PCDHGA1: variants seen among roughly 807,000 people sequenced by gnomAD.
PCDHGA1 encodes the protein protocadherin gamma subfamily A, 1, also known as protocadherin gamma-A1.
Under a neutral mutation model 58.0 loss-of-function variants are expected in PCDHGA1, and 32 were observed. The ratio of observed to expected loss-of-function variants is 0.55; its 90% CI spans 0.42 to 0.74. PCDHGA1 has a LOEUF of 0.74. Among genes scored for constraint, PCDHGA1 ranks in the 30% least tolerant of loss-of-function variants. The probability of loss-of-function intolerance (pLI) is 0.00; values close to 1 mark genes in which losing one functional copy is unlikely to be tolerated. For synonymous variants in PCDHGA1, 498 were observed against 501.1 expected (o/e 0.99, Z 0.08); for missense variants, 1,205 against 1,182.3 (o/e 1.02, Z -0.28).
chr5:141,491,884 G>C lies in PCDHGA1; in HGVS notation c.2422-2923G>C, dbSNP rs745931108. 5.0e-5 allele frequency: 73 copies of C among 1,446,372 alleles called. No homozygotes were observed. The highest frequency in any genetic ancestry group is 6.3e-5 in the Non-Finnish European group (69 of 1,094,334). The allele number at this position is 1,446,372 out of a possible 1,614,324, so 89.6% of individuals were successfully genotyped here. A position where few individuals can be genotyped will look rare whatever the true frequency, so the allele number is the denominator to read the frequency against. On this transcript the variant is annotated intron_variant, in intron 1 of 3. Coordinates refer to ENST00000517417, the MANE Select transcript of PCDHGA1 (RefSeq NM_018912.3). The surrounding 1 kb of genome is among the most constrained non-coding windows in gnomAD (Gnocchi z 6.9). The stretch of plus-strand genomic sequence containing the variant: ...AACCAGAGTGGCCGATTAAGGGATG[G>C]GGCTCCGAGCACCGGGGGTGGTGGC...
chr5:141,387,779 G>T, intron 1 of PCDHGA1: 1 of 1,458,032 alleles, frequency 6.9e-7, no homozygotes, highest in Admixed American at 2.6e-5. Flanking sequence ...TTCTTGAACT[G>T]GAACTGCAAC....
At chr5:141,379,876 T>C (rs1775908667) in intron 1 of PCDHGA1, among the ~76,000 whole-genome samples, 1 of 146,348 alleles carries the variant, frequency 6.8e-6, no homozygotes, top group African/African-American at 2.5e-5. Flanking sequence ...TATTTTATGG[T>C]CTGTGAAAGC....
chr5:141,370,840 G>T (rs762166631), intron 1 of PCDHGA1: 1 of 1,614,022 alleles, frequency 6.2e-7, no homozygotes, highest in South Asian at 1.1e-5. Flanking sequence ...GCTCTCACTG[G>T]AGCCACATTT....
chr5:141,330,878 G>C lies in PCDHGA1; in HGVS notation c.194G>C (p.Arg65Pro). The change falls in exon 1 of 4, where the codon CGC (arginine) becomes CCC (proline). Residue 65 changes from arginine to proline, a missense_variant. Transcript: ENST00000517417. ...QPQELADGGV[R>P]IVSRGRMPLF... The stretch of plus-strand genomic sequence containing the variant: ...CAGGAGCTGGCAGATGGCGGAGTCC[G>C]CATCGTCTCCAGAGGTAGGATGCCG... 3.1e-6 allele frequency: 5 copies of C among 1,614,186 alleles called. No homozygotes were observed. The highest frequency in any genetic ancestry group is 4.2e-6 in the Non-Finnish European group (5 of 1,180,036).
intron 1 of PCDHGA1, chr5:141,339,505 C>T: frequency 2.5e-6 from 4 of 1,614,198 alleles, no homozygotes; most frequent in Non-Finnish European, 3.4e-6. Context: ...ATGACCACTT[C>T]TCCCTGGACG....
chr5:141,371,646 T>C, intron 1 of PCDHGA1: 3 of 1,614,026 alleles, frequency 1.9e-6, no homozygotes, highest in Non-Finnish European at 2.5e-6. Flanking sequence ...GATCCCAGAA[T>C]ACAATGTGAC....
rs760878091 is a variant in PCDHGA1 at position 141,476,406 on chromosome 5, T to A, written c.2422-18401T>A. The A allele has an allele frequency of 6.2e-7, 1 of 1,614,054 alleles. No individual in the cohort carries two copies. The highest frequency in any genetic ancestry group is 8.5e-7 in the Non-Finnish European group (1 of 1,180,002). On this transcript the variant is annotated intron_variant, in intron 1 of 3. Transcript: ENST00000517417. The surrounding 1 kb of genome is among the most constrained non-coding windows in gnomAD (Gnocchi z 7.6). Reference sequence around the variant, plus strand: ...AACGACCGTCTGGATCGAGAGGAGCTGTGTGGGACACTGCCCTCTTGCACT... The same window carrying A: ...AACGACCGTCTGGATCGAGAGGAGCAGTGTGGGACACTGCCCTCTTGCACT...
At chr5:141,456,695 T>C (rs1264543968) in intron 1 of PCDHGA1, among the ~76,000 whole-genome samples, 2 of 152,136 alleles carry the variant, frequency 1.3e-5, no homozygotes, top group Non-Finnish European at 2.9e-5. Flanking sequence ...CCAGGCGTGG[T>C]GGCTCGCGCC....
At chr5:141,341,648 T>G in intron 1 of PCDHGA1, 1 of 707,650 alleles carries the variant, frequency 1.4e-6, no homozygotes, top group Non-Finnish European at 2.3e-6. Flanking sequence ...AGCACTGCAT[T>G]AGGAACTAGG....
In PCDHGA1 at chr5:141,486,336, G is replaced by A. The variant is rs534793835; in HGVS notation, c.2422-8471G>A. 3.8e-5 allele frequency: 61 copies of A among 1,613,992 alleles called. No individual in the cohort carries two copies. In the African/African-American group the frequency reaches 4.3e-4, roughly 11 times the overall value. On this transcript the variant is annotated intron_variant, in intron 1 of 3. Coordinates refer to ENST00000517417, the MANE Select transcript of PCDHGA1 (RefSeq NM_018912.3). The surrounding 1 kb of genome is among the most constrained non-coding windows in gnomAD (Gnocchi z 5.0). The stretch of plus-strand genomic sequence containing the variant: ...GGGTCAAACGGAGATGTGAGCCTCC[G>A]CATTCCTGACCACTTGCCATTTGCC...
intron 1 of PCDHGA1, among the ~76,000 whole-genome samples, chr5:141,347,541 C>T (rs529535883): frequency 3.3e-5 from 5 of 152,000 alleles, no homozygotes; most frequent in African/African-American, 1.2e-4. Flanking sequence ...AATCCCAGCA[C>T]TTTGGGAGGC....
At chr5:141,440,443 T>A (rs979101512) in intron 1 of PCDHGA1, 2 of 152,152 alleles carry the variant, frequency 1.3e-5, no homozygotes, top group Admixed American at 1.3e-4. Flanking sequence ...CAAGGCGCCA[T>A]CTCAAAAAAA....
intron 1 of PCDHGA1, among the ~76,000 whole-genome samples, chr5:141,450,829 A>ATTTT (rs373424450): frequency 2.2e-4 from 30 of 135,142 alleles, no homozygotes; most frequent in African/African-American, 6.3e-4. Flanking sequence ...TATTATTATT[A>ATTTT]TTTTTTTTTT....
chr5:141,341,433 T>G, intron 1 of PCDHGA1: 1 of 1,611,604 alleles, frequency 6.2e-7, no homozygotes, highest in Non-Finnish European at 8.5e-7. Context: ...CTAGCTAGTT[T>G]GCTGAAGTAA....
chr5:141,489,983 G>T lies in PCDHGA1; in HGVS notation c.2422-4824G>T. ...CCAACCTTCCAATCCTCAGTTCTACGTGTGGGAATCCCAGAGAATGCACCC... is the reference window on the plus strand; with the variant it reads ...CCAACCTTCCAATCCTCAGTTCTACTTGTGGGAATCCCAGAGAATGCACCC... On this transcript the variant is annotated intron_variant, in intron 1 of 3. Coordinates refer to ENST00000517417, the MANE Select transcript of PCDHGA1 (RefSeq NM_018912.3). The surrounding 1 kb of genome is among the most constrained non-coding windows in gnomAD (Gnocchi z 4.5). The T allele has an allele frequency of 6.2e-7, 1 of 1,614,172 alleles. No homozygotes were observed. Among genetic ancestry groups the T allele is most frequent in the Non-Finnish European group, 8.5e-7 (1 of 1,179,996 alleles).
In PCDHGA1 at chr5:141,361,967, C is replaced by T; in HGVS notation, c.2421+28862C>T. The T allele has an allele frequency of 6.2e-7, 1 of 1,601,694 alleles. No homozygotes were observed. Among genetic ancestry groups the T allele is most frequent in the Admixed American group, 1.7e-5 (1 of 59,418 alleles). On this transcript the variant is annotated intron_variant, in intron 1 of 3. Transcript: ENST00000517417. ...TGGCTGTCCTACCACGTGCTGCAGG[C>T]CAGCGAGCCCGGGCTCTTCAGCCTG...
chr5:141,333,128 T>A (rs115971518), intron 1 of PCDHGA1, 23 bp downstream of exon 1: 1 of 1,613,912 alleles, frequency 6.2e-7, no homozygotes, highest in South Asian at 1.1e-5. Flanking sequence ...GATGAATGTA[T>A]CAGCTATCTA....
In PCDHGA1 at chr5:141,349,888, G is replaced by A. The variant is rs192768949; in HGVS notation, c.2421+16783G>A. Among the ~76,000 whole-genome samples the A allele has an allele frequency of 2.8e-3, 432 of 152,232 alleles. 1 individual carries two copies. Among genetic ancestry groups the A allele is most frequent in the Admixed American group, 0.021 (320 of 15,292 alleles). On this transcript the variant is annotated intron_variant, in intron 1 of 3. Transcript: ENST00000517417. ...GAAATGATGAAGGCCCTTATCTGAT[G>A]ATGACAAACTAGAAAACTGAAATGT...
intron 1 of PCDHGA1, among the ~76,000 whole-genome samples, chr5:141,433,680 A>G (rs570459317): frequency 1.3e-5 from 2 of 152,236 alleles, no homozygotes; most frequent in African/African-American, 4.8e-5. Context: ...TACTAAAAAA[A>G]TACAAAATTA....
Sources: allele counts gnomAD v4.1 joint callset (sites outside exome capture counted in the v4.1 genomes callset), GRCh38; gene constraint gnomAD v4.1.1; non-coding constraint Gnocchi (gnomAD v3.1); transcripts MANE v1.5; gene names NCBI Gene and HGNC (gene_info 2026-07-23, HGNC 2026-07-21).